Variants in KCNK2 observed in about 807,000 individuals in gnomAD.
KCNK2 encodes potassium two pore domain channel subfamily K member 2, also known as potassium channel subfamily K member 2.
In KCNK2, 21 loss-of-function variants were observed where a neutral mutation model predicts 40.5. That is an observed-to-expected ratio of 0.52 (90% CI 0.37 to 0.75). The LOEUF (loss-of-function observed/expected upper bound fraction) is 0.75. KCNK2 is among the 30% of genes least tolerant of loss of function. The pLI is 0.00. For missense variants in KCNK2, 399 were observed against 531.6 expected (o/e 0.75, Z 2.45); for synonymous variants, 191 against 202.2 (o/e 0.94, Z 0.47).
At chr1:215,022,106 C>CCTATCTATCTAT (rs11273303) in intron 1 of KCNK2, among the ~76,000 whole-genome samples, 2,654 of 109,284 alleles carry the variant, frequency 0.024, 37 homozygotes, top group Non-Finnish European at 0.032. Flanking sequence ...TAAATCCCCT[C>CCTATCTATCTAT]CTATCTATCT....
chr1:215,031,618 T>C (rs1657192996), intron 1 of KCNK2, among the ~76,000 whole-genome samples: 1 of 151,116 alleles, frequency 6.6e-6, no homozygotes, highest in Non-Finnish European at 1.5e-5. Context: ...TTCTTCAAAA[T>C]CTGAAACAAT....
intron 1 of KCNK2, among the ~76,000 whole-genome samples, chr1:215,072,910 A>T (rs1658805308): frequency 6.6e-6 from 1 of 152,214 alleles, no homozygotes; most frequent in Non-Finnish European, 1.5e-5. Flanking sequence ...GATATGCTGA[A>T]GTCCTAACCC....
At chr1:215,016,487 A>T (rs2102474357) in intron 1 of KCNK2, among the ~76,000 whole-genome samples, 1 of 152,264 alleles carries the variant, frequency 6.6e-6, no homozygotes, top group South Asian at 2.1e-4. Flanking sequence ...ACAGATGCCA[A>T]GAACACACAA....
At chr1:215,127,918 TTGTC>T (rs35463947) in intron 3 of KCNK2, among the ~76,000 whole-genome samples, 98,932 of 151,770 alleles carry the variant, frequency 0.65, 34,306 homozygotes, top group Non-Finnish European at 0.77. Context: ...GCCAGTTTGT[TTGTC>T]TATTTATTAA....
chr1:215,043,446 A>G (rs1377545768), intron 1 of KCNK2, among the ~76,000 whole-genome samples: 1 of 152,274 alleles, frequency 6.6e-6, no homozygotes, highest in Non-Finnish European at 1.5e-5. Flanking sequence ...TATGCATACA[A>G]TGGAATATTA....
At chr1:215,017,162 C>T (rs561961442) in intron 1 of KCNK2, among the ~76,000 whole-genome samples, 78 of 152,108 alleles carry the variant, frequency 5.1e-4, no homozygotes, top group African/African-American at 1.8e-3. Context: ...TAAGTACAGC[C>T]CTTTTGGAAA....
chr1:215,143,977 A>G (rs1043403870), intron 3 of KCNK2, among the ~76,000 whole-genome samples: 1 of 152,234 alleles, frequency 6.6e-6, no homozygotes, highest in Middle Eastern at 3.4e-3. Flanking sequence ...TATGAAAAAC[A>G]CTGGACTATA....
chr1:215,018,558 G>A (rs892614325), intron 1 of KCNK2, among the ~76,000 whole-genome samples: 4 of 152,068 alleles, frequency 2.6e-5, no homozygotes, highest in Non-Finnish European at 4.4e-5. Flanking sequence ...CTTTAAAAAC[G>A]ATAGTTAAAT....
chr1:215,083,504 T>A, intron 1 of KCNK2, 73 bp downstream of exon 1: 1 of 1,075,580 alleles, frequency 9.3e-7, no homozygotes, highest in South Asian at 1.2e-5. Flanking sequence ...CTGGGAGGAC[T>A]GCAAATGCCC....
At chr1:215,212,988 C>G (rs1037575455) in intron 6 of KCNK2, among the ~76,000 whole-genome samples, 1 of 152,120 alleles carries the variant, frequency 6.6e-6, no homozygotes, top group South Asian at 2.1e-4. Context: ...GCATTAAGGA[C>G]TACACATAAA....
intron 2 of KCNK2, among the ~76,000 whole-genome samples, chr1:215,123,704 T>A (rs1661295721): frequency 6.6e-6 from 1 of 152,196 alleles, no homozygotes; most frequent in Admixed American, 6.5e-5. Context: ...TTTAATTTCC[T>A]TATCAAAAGA....
Position 215,083,213 on chromosome 1 carries a change from CG to C in KCNK2, c.-172del. 10 of 1,393,876 alleles carry C rather than the reference CG, an allele frequency of 7.2e-6. No individual in the cohort carries two copies. Among genetic ancestry groups the C allele is most frequent in the African/African-American group, 3.0e-5 (2 of 66,734 alleles). The allele number at this position is 1,393,876 out of a possible 1,614,324, so 86.3% of individuals were successfully genotyped here. On this transcript the variant is annotated 5_prime_UTR_variant, in exon 1 of 7. Coordinates refer to ENST00000444842, the MANE Select transcript of KCNK2 (RefSeq NM_001017425.3). The stretch of plus-strand genomic sequence containing the variant: ...TCACGCTCCCCCCCCCGCCCCCTCC[CG>C]CGTCCAGCCCCGCTCTCCCCACCTT...
intron 1 of KCNK2, among the ~76,000 whole-genome samples, chr1:215,009,058 C>T (rs1477374013): frequency 6.6e-6 from 1 of 152,074 alleles, no homozygotes; most frequent in Non-Finnish European, 1.5e-5. Flanking sequence ...AGAAAAGCCA[C>T]TGTAGCCAAC....
intron 6 of KCNK2, among the ~76,000 whole-genome samples, chr1:215,234,395 A>G (rs1233979525): frequency 6.6e-6 from 1 of 151,842 alleles, no homozygotes; most frequent in Non-Finnish European, 1.5e-5. Context: ...CATATTGCAG[A>G]CTCTTTTATT....
intron 5 of KCNK2, among the ~76,000 whole-genome samples, chr1:215,175,482 A>AT (rs1202529822): frequency 6.7e-6 from 1 of 150,218 alleles, no homozygotes; most frequent in Admixed American, 6.6e-5. Flanking sequence ...ACATATTTTG[A>AT]TTTTTTTCTT....
intron 2 of KCNK2, among the ~76,000 whole-genome samples, chr1:215,119,335 A>T (rs146029257): frequency 6.6e-6 from 1 of 152,230 alleles, no homozygotes; most frequent in Non-Finnish European, 1.5e-5. Flanking sequence ...GACAGCATTT[A>T]CAATTTACAA....
At chr1:215,154,284 A>G (rs570942748) in intron 3 of KCNK2, among the ~76,000 whole-genome samples, 1 of 152,292 alleles carries the variant, frequency 6.6e-6, no homozygotes, top group East Asian at 1.9e-4. Context: ...AATAATCGCC[A>G]TTCTGACTGG....
chr1:215,157,369 G>C (rs1363879591), intron 3 of KCNK2, among the ~76,000 whole-genome samples: 4 of 152,134 alleles, frequency 2.6e-5, no homozygotes, highest in African/African-American at 7.2e-5. Flanking sequence ...GCCAGCTGTA[G>C]TATTAAACCC....
At chr1:215,107,771 G>T (rs2363564) in intron 2 of KCNK2, among the ~76,000 whole-genome samples, 3 of 151,750 alleles carry the variant, frequency 2.0e-5, no homozygotes, top group African/African-American at 7.3e-5. Context: ...GTCAGCCTTC[G>T]GTATCCGTGG....
Sources: gnomAD v4.1 joint callset for allele counts (sites outside exome capture counted in the v4.1 genomes callset) on GRCh38, gnomAD v4.1.1 for gene constraint, MANE v1.5 for transcripts, NCBI Gene and HGNC (gene_info 2026-07-23, HGNC 2026-07-21) for gene names.